The following GPC6 variants were observed in gnomAD, a reference collection of about 807,000 sequenced individuals.
GPC6 encodes the protein glypican 6.
A neutral mutation model predicts 55.2 loss-of-function variants in GPC6; 14 were observed. The observed-to-expected ratio is 0.25, with a 90% CI of 0.17 to 0.40. The LOEUF is 0.40. Among genes scored for constraint, GPC6 ranks in the 10% least tolerant of loss-of-function variants. The pLI is 1.00. For synonymous variants in GPC6, 278 were observed against 259.6 expected (o/e 1.07, Z -0.68); for missense variants, 641 against 708.5 (o/e 0.90, Z 1.08).
At chr13:93,988,086 C>T (rs1881116402) in intron 3 of GPC6, among the ~76,000 whole-genome samples, 1 of 152,102 alleles carries the variant, frequency 6.6e-6, no homozygotes, top group South Asian at 2.1e-4. Context: ...GTGACTCGGC[C>T]TCAGAATTAC....
At chr13:94,099,465 G>A (rs1478890336) in intron 4 of GPC6, among the ~76,000 whole-genome samples, 2 of 152,040 alleles carry the variant, frequency 1.3e-5, no homozygotes, top group Non-Finnish European at 2.9e-5. Flanking sequence ...GTATATAGGA[G>A]ACTCTATTTG....
intron 1 of GPC6, among the ~76,000 whole-genome samples, chr13:93,482,666 T>C (rs555659498): frequency 6.6e-6 from 1 of 151,868 alleles, no homozygotes; most frequent in Admixed American, 6.6e-5. Context: ...CCACAGAAAA[T>C]AAAAGAAAAG....
chr13:94,398,660 G>A lies in GPC6; in HGVS notation c.1465+19G>A. 6.2e-7 allele frequency: 1 copy of A among 1,611,260 alleles called. No homozygotes were observed. On this transcript the variant is annotated intron_variant, in intron 8 of 8. Transcript: ENST00000377047. ...GACACAAGTAAGAAAATCCTTCCCA[G>A]CACCAGAAATTTTCAAAGTAAAAAA...
At chr13:94,103,658 G>A (rs1161083344) in intron 4 of GPC6, among the ~76,000 whole-genome samples, 2 of 152,130 alleles carry the variant, frequency 1.3e-5, no homozygotes, top group African/African-American at 4.8e-5. Context: ...ATTTTTTCAT[G>A]TGTCTGTTGG....
chr13:93,429,008 T>A (rs1239862048), intron 1 of GPC6, among the ~76,000 whole-genome samples: 1 of 152,102 alleles, frequency 6.6e-6, no homozygotes, highest in Non-Finnish European at 1.5e-5. Flanking sequence ...TCCTATCTTC[T>A]ACCTGCATCC....
At chr13:94,077,986 C>G (rs942815775) in intron 4 of GPC6, among the ~76,000 whole-genome samples, 1 of 151,830 alleles carries the variant, frequency 6.6e-6, no homozygotes, top group Non-Finnish European at 1.5e-5. Flanking sequence ...GCATGCGGAA[C>G]ATTCTTCAAG....
chr13:93,324,612 A>ATATAT (rs1566299683), intron 1 of GPC6, among the ~76,000 whole-genome samples: 1 of 91,484 alleles, frequency 1.1e-5, no homozygotes, highest in Admixed American at 1.1e-4. Flanking sequence ...ATATATATAT[A>ATATAT]AAATCTCTGA....
rs1344496006 is a variant in GPC6 at position 94,339,838 on chromosome 13, GCCT to G, written c.1152+33717_1152+33719del. Among the ~76,000 whole-genome samples, 10 of 131,132 alleles carry G rather than the reference GCCT, an allele frequency of 7.6e-5. No homozygotes were observed. In the East Asian group the frequency reaches 1.6e-3, roughly 21 times the overall value. 86.0% of individuals were successfully genotyped at this position (131,132 alleles called of 152,430 possible). A position where few individuals can be genotyped will look rare whatever the true frequency, so the allele number is the denominator to read the frequency against. On this transcript the variant is annotated intron_variant, in intron 6 of 8. Coordinates refer to ENST00000377047, the MANE Select transcript of GPC6 (RefSeq NM_005708.5). ...GAGTGCAATGGCACGATCTGGGCTTGCCTCAACCTCCAACTTCCGGGTTCAAGC... is the reference window on the plus strand; with the variant it reads ...GAGTGCAATGGCACGATCTGGGCTTGCAACCTCCAACTTCCGGGTTCAAGC...
intron 3 of GPC6, among the ~76,000 whole-genome samples, chr13:93,844,569 G>A (rs1307145207): frequency 3.3e-5 from 5 of 150,900 alleles, no homozygotes; most frequent in Non-Finnish European, 4.4e-5. Flanking sequence ...AGTAGGTTGC[G>A]AAAATTTTCT....
intron 2 of GPC6, among the ~76,000 whole-genome samples, chr13:93,565,793 G>A (rs550864216): frequency 1.6e-3 from 239 of 152,028 alleles, no homozygotes; most frequent in African/African-American, 4.4e-3. Flanking sequence ...TTAGTGGCAC[G>A]TGCCTGTAAT....
At chr13:93,229,199 CTGT>C (rs1334611408) in intron 1 of GPC6, among the ~76,000 whole-genome samples, 2 of 152,094 alleles carry the variant, frequency 1.3e-5, no homozygotes, top group African/African-American at 4.8e-5. Flanking sequence ...CCTTTGTCTA[CTGT>C]TATTTCATTC....
intron 4 of GPC6, among the ~76,000 whole-genome samples, chr13:94,173,696 C>T (rs147887877): frequency 1.1e-3 from 165 of 152,268 alleles, no homozygotes; most frequent in African/African-American, 3.8e-3. Context: ...TTGAGAACAT[C>T]ACTAGTTCCA....
chr13:94,373,745 T>C (rs1323558523), intron 6 of GPC6, among the ~76,000 whole-genome samples: 5 of 152,050 alleles, frequency 3.3e-5, no homozygotes, highest in African/African-American at 7.2e-5. Context: ...GAAGAGGAAC[T>C]TCAAGACACA....
At chr13:93,437,630 A>T (rs1877622466) in intron 1 of GPC6, among the ~76,000 whole-genome samples, 1 of 152,202 alleles carries the variant, frequency 6.6e-6, no homozygotes, top group Non-Finnish European at 1.5e-5. Context: ...TGTAAGGGAG[A>T]TGCACAAGAA....
intron 1 of GPC6, among the ~76,000 whole-genome samples, chr13:93,432,607 C>T (rs182694639): frequency 2.0e-4 from 30 of 152,158 alleles, no homozygotes; most frequent in African/African-American, 6.7e-4. Flanking sequence ...ACCACAATGG[C>T]GTTACTAATG....
chr13:94,117,973 A>C (rs1886491331), intron 4 of GPC6, among the ~76,000 whole-genome samples: 1 of 152,120 alleles, frequency 6.6e-6, no homozygotes, highest in Non-Finnish European at 1.5e-5. Flanking sequence ...AATGTTTGAG[A>C]TATGTTTCTG....
At chr13:93,723,899 C>T (rs1259238015) in intron 2 of GPC6, among the ~76,000 whole-genome samples, 2 of 151,940 alleles carry the variant, frequency 1.3e-5, no homozygotes, top group Non-Finnish European at 2.9e-5. Flanking sequence ...ATCTCTCTGT[C>T]TTTCCCAGCA....
intron 1 of GPC6, among the ~76,000 whole-genome samples, chr13:93,421,224 GT>G (rs1876910832): frequency 6.6e-6 from 1 of 152,030 alleles, no homozygotes; most frequent in East Asian, 1.9e-4. Context: ...TTGAAGAGGA[GT>G]TTATGGTGCT....
At chr13:93,837,583 A>G (rs1310939914) in intron 3 of GPC6, among the ~76,000 whole-genome samples, 1 of 152,238 alleles carries the variant, frequency 6.6e-6, no homozygotes, top group Non-Finnish European at 1.5e-5. Flanking sequence ...CTGAGACATG[A>G]AGACTAAGCA....
Sources: gnomAD v4.1 joint callset for allele counts (sites outside exome capture counted in the v4.1 genomes callset) on GRCh38, gnomAD v4.1.1 for gene constraint, MANE v1.5 for transcripts, NCBI Gene and HGNC (gene_info 2026-07-23, HGNC 2026-07-21) for gene names.